The following NPAS3 variants were observed in gnomAD, a reference collection of about 807,000 sequenced individuals.
NPAS3 encodes the protein neuronal PAS domain protein 3.
In NPAS3, 14 loss-of-function variants were observed where a neutral mutation model predicts 73.1. The observed-to-expected ratio is 0.19, with a 90% CI of 0.13 to 0.30. The LOEUF is 0.30. NPAS3 is among the 10% of genes least tolerant of loss of function. NPAS3 has a pLI of 1.00. For missense variants in NPAS3, 1,096 were observed against 1,250.0 expected, an observed-to-expected ratio of 0.88 and a Z score of 1.86; for synonymous variants, 620 against 541.5, an observed-to-expected ratio of 1.14 and a Z score of -2.01.
chr14:33,378,666 T>C (rs974232746), intron 4 of NPAS3, among the ~76,000 whole-genome samples: 3 of 152,082 alleles, frequency 2.0e-5, no homozygotes, highest in Admixed American at 2.0e-4. Context: ...AAAATAAATT[T>C]GGTGTTTATG....
At chr14:33,044,660 T>C (rs1414054290) in intron 1 of NPAS3, among the ~76,000 whole-genome samples, 1 of 151,886 alleles carries the variant, frequency 6.6e-6, no homozygotes, top group Non-Finnish European at 1.5e-5. Context: ...GTTTGTTTTT[T>C]TTTTTTTTGG....
At chr14:33,693,971 A>T (rs1427433448) in intron 6 of NPAS3, among the ~76,000 whole-genome samples, 1 of 152,122 alleles carries the variant, frequency 6.6e-6, no homozygotes, top group African/African-American at 2.4e-5. Flanking sequence ...TTGAGCTGGG[A>T]TAATTCACAC....
At chr14:33,690,460 A>C (rs1020056157) in intron 6 of NPAS3, among the ~76,000 whole-genome samples, 1 of 152,204 alleles carries the variant, frequency 6.6e-6, no homozygotes, top group Non-Finnish European at 1.5e-5. Flanking sequence ...CAACCTGGAC[A>C]AAATTCAAGC....
chr14:33,783,727 A>T (rs1237449708), intron 9 of NPAS3, among the ~76,000 whole-genome samples: 2 of 152,170 alleles, frequency 1.3e-5, no homozygotes, highest in Non-Finnish European at 2.9e-5. Flanking sequence ...TGCGCTTACT[A>T]CACTGTGCAT....
intron 5 of NPAS3, among the ~76,000 whole-genome samples, chr14:33,675,116 G>A (rs995656082): frequency 1.9e-4 from 29 of 152,050 alleles, no homozygotes; most frequent in African/African-American, 2.4e-4. Flanking sequence ...TCCATGGTAC[G>A]TCATAGCTGG....
chr14:33,281,067 C>T (rs2041583291), intron 3 of NPAS3, among the ~76,000 whole-genome samples: 1 of 152,180 alleles, frequency 6.6e-6, no homozygotes, highest in African/African-American at 2.4e-5. Context: ...TCACTTGATG[C>T]CCTCCTCTTC....
intron 4 of NPAS3, among the ~76,000 whole-genome samples, chr14:33,391,678 T>C (rs2047012499): frequency 6.6e-6 from 1 of 152,162 alleles, no homozygotes; most frequent in African/African-American, 2.4e-5. Flanking sequence ...GATGAGAAGA[T>C]ATTGTGTTGA....
intron 2 of NPAS3, among the ~76,000 whole-genome samples, chr14:33,066,469 G>A (rs533247086): frequency 6.6e-6 from 1 of 152,244 alleles, no homozygotes; most frequent in South Asian, 2.1e-4. Context: ...ATTTATCATG[G>A]TACTTGGGAA....
intron 3 of NPAS3, among the ~76,000 whole-genome samples, chr14:33,298,923 C>T (rs1292003789): frequency 6.6e-6 from 1 of 152,162 alleles, no homozygotes; most frequent in Non-Finnish European, 1.5e-5. Flanking sequence ...ATGGTGACTG[C>T]TTCAAGGACT....
At chr14:33,716,733 T>G (rs2060966885) in intron 6 of NPAS3, among the ~76,000 whole-genome samples, 1 of 152,112 alleles carries the variant, frequency 6.6e-6, no homozygotes, top group African/African-American at 2.4e-5. Flanking sequence ...TTTTTGTGTT[T>G]TGGAGTATTT....
chr14:33,057,616 G>A (rs1390928579), intron 2 of NPAS3, among the ~76,000 whole-genome samples: 3 of 152,296 alleles, frequency 2.0e-5, no homozygotes, highest in East Asian at 3.9e-4. Context: ...GGAATTTGGC[G>A]CATAGTAAGG....
At chr14:33,300,963 T>C (rs2042505913) in intron 3 of NPAS3, among the ~76,000 whole-genome samples, 1 of 152,126 alleles carries the variant, frequency 6.6e-6, no homozygotes, top group South Asian at 2.1e-4. Flanking sequence ...ACTCCCAGCC[T>C]CTAGGCAGAC....
chr14:33,277,303 C>G (rs1020058021), intron 3 of NPAS3, among the ~76,000 whole-genome samples: 1 of 152,130 alleles, frequency 6.6e-6, no homozygotes, highest in Non-Finnish European at 1.5e-5. Flanking sequence ...AGTCCCAGCT[C>G]TGGCACTGAT....
chr14:32,983,427 T>G (rs1289303578), intron 1 of NPAS3, among the ~76,000 whole-genome samples: 1 of 152,196 alleles, frequency 6.6e-6, no homozygotes, highest in African/African-American at 2.4e-5. Flanking sequence ...GGGCACTCAC[T>G]TGTATTAAAT....
intron 3 of NPAS3, among the ~76,000 whole-genome samples, chr14:33,357,121 A>C (rs1449753358): frequency 6.6e-6 from 1 of 152,206 alleles, no homozygotes; most frequent in African/African-American, 2.4e-5. Flanking sequence ...AGTAAGACCT[A>C]GCTCCTGCAT....
At chr14:33,040,391 C>CA (rs2040312417) in intron 1 of NPAS3, among the ~76,000 whole-genome samples, 4 of 151,974 alleles carry the variant, frequency 2.6e-5, no homozygotes. Flanking sequence ...GGAAGTTTTC[C>CA]AAAAACATCT....
intron 5 of NPAS3, among the ~76,000 whole-genome samples, chr14:33,607,416 A>C (rs1309686551): frequency 6.6e-6 from 1 of 152,214 alleles, no homozygotes; most frequent in East Asian, 1.9e-4. Context: ...CCAAAAAAAA[A>C]AAAAGAGTGA....
chr14:33,104,731 T>A (rs572578166), intron 2 of NPAS3, among the ~76,000 whole-genome samples: 13 of 152,304 alleles, frequency 8.5e-5, no homozygotes, highest in African/African-American at 2.9e-4. Flanking sequence ...AATTGCTACA[T>A]CACACAGTTA....
intron 2 of NPAS3, among the ~76,000 whole-genome samples, chr14:33,096,933 C>T (rs1269155848): frequency 2.0e-5 from 3 of 152,130 alleles, no homozygotes; most frequent in Non-Finnish European, 4.4e-5. Flanking sequence ...TTTAATGTCC[C>T]ACTACTTATG....
Sources: allele counts gnomAD v4.1 joint callset (sites outside exome capture counted in the v4.1 genomes callset), GRCh38; gene constraint gnomAD v4.1.1; transcripts MANE v1.5; gene names NCBI Gene and HGNC (gene_info 2026-07-23, HGNC 2026-07-21).